TRAPPC9: variants seen among roughly 807,000 people sequenced by gnomAD.
The protein encoded by TRAPPC9 is trafficking protein particle complex subunit 9.
In TRAPPC9, 83 loss-of-function variants were observed where a neutral mutation model predicts 124.0. The observed-to-expected ratio is 0.67, with a 90% CI of 0.56 to 0.80. TRAPPC9 has a LOEUF of 0.80. Among genes scored for constraint, TRAPPC9 ranks in the 30% least tolerant of loss-of-function variants. The pLI is 0.00. For synonymous variants in TRAPPC9, 638 were observed against 617.5 expected, an observed-to-expected ratio of 1.03 and a Z score of -0.49; for missense variants, 1,302 against 1,508.3, an observed-to-expected ratio of 0.86 and a Z score of 2.27.
chr8:139,925,104 T>C (rs1479521258), intron 19 of TRAPPC9, among the ~76,000 whole-genome samples: 1 of 152,088 alleles, frequency 6.6e-6, no homozygotes, highest in African/African-American at 2.4e-5. Context: ...CCCTGAGGAA[T>C]CCGGGAGTAA....
chr8:140,090,374 G>A (rs142632141), intron 17 of TRAPPC9, among the ~76,000 whole-genome samples: 13 of 152,268 alleles, frequency 8.5e-5, no homozygotes, highest in East Asian at 3.9e-4. Flanking sequence ...TGCTCAGACC[G>A]AGGGCTGAGA....
intron 17 of TRAPPC9, among the ~76,000 whole-genome samples, chr8:140,032,634 C>G (rs1285204629): frequency 6.6e-6 from 1 of 152,178 alleles, no homozygotes; most frequent in Non-Finnish European, 1.5e-5. Flanking sequence ...AAACAGTACC[C>G]TAAAAATTGG....
At position 140,052,211 on chromosome 8, in the gene TRAPPC9, AAACAACAACAACAACAAC is replaced by A. The variant is rs58435328; in HGVS notation, c.2557-28150_2557-28133del. Among the ~76,000 whole-genome samples, 248 of 151,698 alleles carry A rather than the reference AAACAACAACAACAACAAC, an allele frequency of 1.6e-3. 1 individual carries two copies. The highest frequency in any genetic ancestry group is 5.6e-3 in the African/African-American group (232 of 41,356). ...GTATCTCATCACACGGTATTCTCCAAAACAACAACAACAACAACAACAACAACAACAACAACACAGAAA... is the reference window on the plus strand; with the variant it reads ...GTATCTCATCACACGGTATTCTCCAAAACAACAACAACAACAACACAGAAA... On this transcript the variant is annotated intron_variant, in intron 17 of 22. Transcript: ENST00000438773.
chr8:139,969,076 C>T (rs2245733), intron 19 of TRAPPC9, among the ~76,000 whole-genome samples: 135,362 of 152,290 alleles, frequency 0.89, 60,349 homozygotes, highest in East Asian at 0.99. Context: ...AACACACGTA[C>T]GCACACTGCA....
chr8:139,811,225 TA>T (rs1824427498), intron 21 of TRAPPC9, among the ~76,000 whole-genome samples: 1 of 152,098 alleles, frequency 6.6e-6, no homozygotes, highest in Admixed American at 6.5e-5. Context: ...AAAAATTTAA[TA>T]CAGAGATTGG....
At chr8:140,179,229 G>A (rs1373217782) in intron 17 of TRAPPC9, among the ~76,000 whole-genome samples, 2 of 152,066 alleles carry the variant, frequency 1.3e-5, no homozygotes, top group Admixed American at 6.5e-5. Flanking sequence ...AATTTCCATT[G>A]AGGCAATGCT....
chr8:140,240,441 G>A (rs986832238), intron 16 of TRAPPC9, among the ~76,000 whole-genome samples: 11 of 152,110 alleles, frequency 7.2e-5, no homozygotes, highest in Admixed American at 1.3e-4. Flanking sequence ...TGTCCACATC[G>A]CCTCTTGCTC....
At position 140,410,894 on chromosome 8, in the gene TRAPPC9, C is replaced by T. The variant is rs141416190; in HGVS notation, c.887-5196G>A. 1.7e-3 allele frequency among the ~76,000 whole-genome samples: 256 copies of T among 150,144 alleles called. 3 individuals are homozygous for T. The East Asian group carries it at 0.034, about 20-fold the overall frequency. The stretch of plus-strand genomic sequence containing the variant: ...AAATATAAAACAGCAACTCAAAGAA[C>T]TGTAAAAATAAAAAAAGGAAAAAAG... On this transcript the variant is annotated intron_variant, in intron 5 of 22. Transcript: ENST00000438773.
At chr8:140,396,552 C>T (rs1301753488) in intron 7 of TRAPPC9, among the ~76,000 whole-genome samples, 1 of 151,408 alleles carries the variant, frequency 6.6e-6, no homozygotes, top group East Asian at 1.9e-4. Flanking sequence ...CTTCCTCTCC[C>T]TCCCTCCCTC....
At position 140,300,507 on chromosome 8, in the gene TRAPPC9, A is replaced by G. The variant is rs1227585990; in HGVS notation, c.1730T>C (p.Ile577Thr). ...TKSPFIYSPI[I>T]AHNRGEERNK... ...CCGCTCTTCTCCACGGTTGTGTGCG[A>G]TAATTGGTGAATAGATGAAAGGACT... Residue 577 changes from isoleucine to threonine, a missense_variant, in exon 11 of 23, where the codon ATC becomes ACC. Ile to Thr is a moderately conservative substitution (Grantham distance 89, BLOSUM62 -1). Transcript: ENST00000438773. The G allele has an allele frequency of 3.7e-6, 6 of 1,614,130 alleles. No individual in the cohort carries two copies. The Admixed American group carries it at 1.0e-4, about 27-fold the overall frequency.
intron 17 of TRAPPC9, among the ~76,000 whole-genome samples, chr8:140,118,416 G>C (rs560599524): frequency 1.3e-5 from 2 of 152,358 alleles, no homozygotes; most frequent in East Asian, 3.9e-4. Flanking sequence ...TCCGTTAGTA[G>C]TCAAAGGATT....
At chr8:140,329,003 G>T (rs1303683260) in intron 9 of TRAPPC9, among the ~76,000 whole-genome samples, 4 of 152,150 alleles carry the variant, frequency 2.6e-5, no homozygotes, top group African/African-American at 7.2e-5. Context: ...AGCAGGTTGA[G>T]TCTAAAGCAC....
chr8:140,349,219 A>G (rs2067452009), intron 9 of TRAPPC9, among the ~76,000 whole-genome samples: 1 of 85,828 alleles, frequency 1.2e-5, no homozygotes, highest in African/African-American at 4.6e-5. Flanking sequence ...GGAAGGGCAC[A>G]GAAGGGGGCC....
chr8:139,750,762 G>A (rs1001427162), intron 21 of TRAPPC9, among the ~76,000 whole-genome samples: 21 of 152,182 alleles, frequency 1.4e-4, no homozygotes, highest in African/African-American at 3.6e-4. Flanking sequence ...AACTGCACCT[G>A]TTCAACAGGT....
At chr8:140,168,017 T>C (rs2061878827) in intron 17 of TRAPPC9, among the ~76,000 whole-genome samples, 1 of 152,190 alleles carries the variant, frequency 6.6e-6, no homozygotes, top group African/African-American at 2.4e-5. Context: ...CATATGGCTG[T>C]ATGTCAGATA....
At chr8:140,160,261 A>G (rs1184285881) in intron 17 of TRAPPC9, among the ~76,000 whole-genome samples, 2 of 152,234 alleles carry the variant, frequency 1.3e-5, no homozygotes, top group Non-Finnish European at 1.5e-5. Context: ...ATCTAGAACT[A>G]GAAATACCAT....
chr8:139,785,737 G>T (rs193247319), intron 21 of TRAPPC9, among the ~76,000 whole-genome samples: 43 of 147,758 alleles, frequency 2.9e-4, no homozygotes, highest in African/African-American at 1.1e-3. Context: ...TAAAAAAAAA[G>T]AAGAAAAAAA....
rs748726061 is a variant in TRAPPC9, at chr8:139,742,462, G to A, written c.3056-10260C>T. 8.5e-5 allele frequency among the ~76,000 whole-genome samples: 13 copies of A among 152,192 alleles called. No individual in the cohort carries two copies. Among genetic ancestry groups the A allele is most frequent in the Non-Finnish European group, 1.6e-4 (11 of 68,034 alleles). On this transcript the variant is annotated intron_variant, in intron 21 of 22. Transcript: ENST00000438773. The surrounding 1 kb of genome is among the most constrained non-coding windows in gnomAD (Gnocchi z 4.7). ...AGTTTCTCACATTTTGGAGCCTGGG[G>A]CCAGACAGCAGGCCAGGGCTGAAGC... is the stretch of plus-strand genomic sequence containing the variant.
intron 5 of TRAPPC9, among the ~76,000 whole-genome samples, chr8:140,415,447 C>T (rs952292192): frequency 1.7e-4 from 25 of 149,854 alleles, no homozygotes; most frequent in African/African-American, 5.9e-4. Flanking sequence ...CCCAGTTACT[C>T]GGAAAGCTGA....
Sources: gnomAD v4.1 joint callset for allele counts (sites outside exome capture counted in the v4.1 genomes callset) on GRCh38, gnomAD v4.1.1 for gene constraint, Gnocchi (gnomAD v3.1) non-coding constraint, MANE v1.5 for transcripts, NCBI Gene and HGNC (gene_info 2026-07-23, HGNC 2026-07-21) for gene names.